SMURF2: variants seen among roughly 807,000 people sequenced by gnomAD.
SMURF2 encodes the protein E3 ubiquitin-protein ligase SMURF2.
In SMURF2, 48 loss-of-function variants were observed where a neutral mutation model predicts 109.6. The observed-to-expected ratio is 0.44, with a 90% confidence interval of 0.35 to 0.56. The LOEUF (loss-of-function observed/expected upper bound fraction) is 0.56, where lower values mean the gene tolerates loss of function less well. SMURF2 is among the 20% of genes least tolerant of loss of function. SMURF2 has a pLI of 0.01. For missense variants in SMURF2, 575 were observed against 909.0 expected, an observed-to-expected ratio of 0.63 and a Z score of 4.72; for synonymous variants, 288 against 317.1, an observed-to-expected ratio of 0.91 and a Z score of 0.97.
intron 10 of SMURF2, among the ~76,000 whole-genome samples, chr17:64,566,561 G>GTTTGGTTTTTTT (rs1969305868): frequency 9.1e-5 from 4 of 43,784 alleles, no homozygotes; most frequent in African/African-American, 2.3e-4. Flanking sequence ...AAGCTTTCTG[G>GTTTGGTTTTTTT]TTTTTTTTTT....
Position 64,557,699 on chromosome 17 carries a change from T to A in SMURF2, c.1340A>T (p.His447Leu). 6.2e-7 allele frequency: 1 copy of A among 1,610,722 alleles called. No homozygotes were observed. The highest frequency in any genetic ancestry group is 8.5e-7 in the Non-Finnish European group (1 of 1,177,754). ...VAREWLYLLSHEMLNPYYGLF... is the reference protein window; with the variant it reads ...VAREWLYLLSLEMLNPYYGLF... ...GCCATAGTATGGATTCAACATTTCA[T>A]GTGACAAGAGATACAACCATTCCCT... Residue 447 changes from histidine to leucine, a missense_variant, in exon 13 of 19, where the codon CAT (histidine) becomes CTT (leucine). Coordinates refer to ENST00000262435, the MANE Select transcript of SMURF2 (RefSeq NM_022739.4).
intron 1 of SMURF2, among the ~76,000 whole-genome samples, chr17:64,640,809 C>A (rs1467996470): frequency 1.3e-5 from 2 of 151,674 alleles, no homozygotes; most frequent in Non-Finnish European, 2.9e-5. Flanking sequence ...ATCCCAGCTA[C>A]TCAGAAGGCT....
rs1968980105 is a variant in SMURF2, at chr17:64,547,758, T to C, written c.1913A>G (p.Lys638Arg). The C allele has an allele frequency of 6.2e-7, 1 of 1,614,216 alleles. No individual in the cohort carries two copies. The highest frequency in any genetic ancestry group is 8.5e-7 in the Non-Finnish European group (1 of 1,180,018). The change falls in exon 17 of 19, where the codon AAG becomes AGG. Residue 638 changes from lysine (K) to arginine (R), a missense_variant. Coordinates refer to ENST00000262435, the MANE Select transcript of SMURF2 (RefSeq NM_022739.4). This position sits in a 1 kb window ranked among gnomAD's most constrained non-coding sequence, Gnocchi z 4.2. Reference sequence around the variant, plus strand: ...ACAGTGTTTTAACCGGGTGTTTACCTTCCAGTCATTAACATCTATCTTTCC... The same window carrying C: ...ACAGTGTTTTAACCGGGTGTTTACCCTCCAGTCATTAACATCTATCTTTCC... Reference protein sequence around the residue: ...GLGKIDVNDWKVNTRLKHCTP... With the variant: ...GLGKIDVNDWRVNTRLKHCTP...
At chr17:64,555,296 G>A (rs1969103217) in intron 14 of SMURF2, among the ~76,000 whole-genome samples, 1 of 152,136 alleles carries the variant, frequency 6.6e-6, no homozygotes, top group Non-Finnish European at 1.5e-5. Context: ...AGCCCTACTC[G>A]GTACTGTACT....
intron 2 of SMURF2, among the ~76,000 whole-genome samples, chr17:64,605,403 T>C (rs1969954809): frequency 6.6e-6 from 1 of 151,938 alleles, no homozygotes; most frequent in Admixed American, 6.6e-5. Flanking sequence ...TAATAAAATT[T>C]CAAGTGGAAT....
At chr17:64,620,455 T>C (rs1555690533) in intron 1 of SMURF2, among the ~76,000 whole-genome samples, 1 of 152,176 alleles carries the variant, frequency 6.6e-6, no homozygotes, top group Non-Finnish European at 1.5e-5. Flanking sequence ...GTTTTCTCTC[T>C]CATTAACCCC....
intron 1 of SMURF2, among the ~76,000 whole-genome samples, chr17:64,616,000 C>T (rs1970115634): frequency 1.3e-5 from 2 of 151,790 alleles, no homozygotes; most frequent in South Asian, 4.1e-4. Context: ...CGGCTAATTG[C>T]TGTATTTTTA....
At chr17:64,594,690 T>A (rs1222113349) in intron 3 of SMURF2, among the ~76,000 whole-genome samples, 2 of 152,128 alleles carry the variant, frequency 1.3e-5, no homozygotes, top group Non-Finnish European at 2.9e-5. Context: ...GAACATTTTT[T>A]AAAAAGTTAC....
chr17:64,626,090 C>A, intron 1 of SMURF2, among the ~76,000 whole-genome samples: 1 of 150,998 alleles, frequency 6.6e-6, no homozygotes, highest in East Asian at 2.0e-4. Flanking sequence ...AACCCCATCT[C>A]TACTAAAAAT....
At chr17:64,656,086 T>C (rs1356957305) in intron 1 of SMURF2, among the ~76,000 whole-genome samples, 1 of 152,184 alleles carries the variant, frequency 6.6e-6, no homozygotes, top group African/African-American at 2.4e-5. Context: ...GCAGGGGAAA[T>C]AGTTTATTAA....
At position 64,554,971 on chromosome 17, in the gene SMURF2, A is replaced by G. The variant is rs782776343; in HGVS notation, c.1633T>C (p.Leu545=). The change falls in exon 15 of 19, where the codon TTG becomes CTG. Residue 545 remains leucine, a synonymous_variant. Coordinates refer to ENST00000262435, the MANE Select transcript of SMURF2 (RefSeq NM_022739.4). ...TGTTCAACACAGAAGGTATGGTCCA[A>G]AACACCTGTAATATCATTCTCACTG... The part of the protein sequence containing the change: ...WILENDITGV[L]DHTFCVEHNA... 1.2e-5 allele frequency: 20 copies of G among 1,613,662 alleles called. No homozygotes were observed. In the East Asian group the frequency reaches 4.2e-4, roughly 34 times the overall value.
intron 10 of SMURF2, among the ~76,000 whole-genome samples, chr17:64,570,489 T>C (rs1051267061): frequency 6.6e-6 from 1 of 152,188 alleles, no homozygotes; most frequent in Admixed American, 6.5e-5. Flanking sequence ...TCTCTTTTCC[T>C]CCTCCTGCCC....
intron 3 of SMURF2, 144 bp from the exon 4 acceptor site, chr17:64,593,717 C>G (rs1321128626): frequency 1.6e-6 from 1 of 620,128 alleles, no homozygotes; most frequent in Non-Finnish European, 2.5e-6. Context: ...TGAGTTAATC[C>G]ACAGGATTGA....
intron 1 of SMURF2, among the ~76,000 whole-genome samples, chr17:64,631,985 C>T (rs1159863674): frequency 2.2e-5 from 2 of 88,902 alleles, no homozygotes; most frequent in Non-Finnish European, 4.1e-5. Context: ...GGGGGGTGGA[C>T]AGAGGCACAC....
intron 1 of SMURF2, among the ~76,000 whole-genome samples, chr17:64,613,490 T>G (rs1321920134): frequency 1.3e-5 from 2 of 152,074 alleles, no homozygotes; most frequent in Non-Finnish European, 2.9e-5. Flanking sequence ...TAAATGTTTC[T>G]TAAAGAAAAT....
intron 3 of SMURF2, among the ~76,000 whole-genome samples, chr17:64,594,784 C>T (rs1288203144): frequency 1.3e-5 from 2 of 151,986 alleles, no homozygotes; most frequent in East Asian, 1.9e-4. Flanking sequence ...GACAGGAGTT[C>T]GAGACCAGCC....
chr17:64,611,705 A>T (rs1277410375), intron 1 of SMURF2, among the ~76,000 whole-genome samples: 1 of 152,104 alleles, frequency 6.6e-6, no homozygotes, highest in African/African-American at 2.4e-5. Flanking sequence ...TCAAAGCCTC[A>T]CTTCTTTCCA....
chr17:64,628,955 C>T (rs1970302207), intron 1 of SMURF2, among the ~76,000 whole-genome samples: 1 of 152,158 alleles, frequency 6.6e-6, no homozygotes, highest in Non-Finnish European at 1.5e-5. Context: ...GACAACCCCA[C>T]AATTTCCATT....
At chr17:64,597,283 T>C (rs1223757376) in intron 3 of SMURF2, among the ~76,000 whole-genome samples, 1 of 151,948 alleles carries the variant, frequency 6.6e-6, no homozygotes, top group Non-Finnish European at 1.5e-5. Flanking sequence ...CATGGTGGCA[T>C]GCACCTGTAG....
Sources: gnomAD v4.1 joint callset for allele counts (sites outside exome capture counted in the v4.1 genomes callset) on GRCh38, gnomAD v4.1.1 for gene constraint, Gnocchi (gnomAD v3.1) non-coding constraint, MANE v1.5 for transcripts, NCBI Gene and HGNC (gene_info 2026-07-23, HGNC 2026-07-21) for gene names.